The following ZCCHC2 variants were observed in gnomAD, a reference collection of about 807,000 sequenced individuals.
The protein encoded by ZCCHC2 is zinc finger CCHC domain-containing protein 2.
Under a neutral mutation model 103.6 loss-of-function variants are expected in ZCCHC2, and 39 were observed. The ratio of observed to expected loss-of-function variants is 0.38; its 90% CI spans 0.29 to 0.49. ZCCHC2 has a LOEUF of 0.49. Among genes scored for constraint, ZCCHC2 ranks in the 20% least tolerant of loss-of-function variants. The pLI is 0.96. For missense variants in ZCCHC2, 1,483 were observed against 1,491.0 expected (o/e 0.99, Z 0.09); for synonymous variants, 687 against 608.9 (o/e 1.13, Z -1.89).
chr18:62,573,119 A>C (rs11152350), intron 12 of ZCCHC2, among the ~76,000 whole-genome samples: 88,069 of 151,910 alleles, frequency 0.58, 26,229 homozygotes, highest in East Asian at 0.99. Context: ...CTGAATATAA[A>C]CAGTTCATAC....
chr18:62,573,767 A>C (rs750605487), intron 12 of ZCCHC2, among the ~76,000 whole-genome samples: 14 of 152,354 alleles, frequency 9.2e-5, no homozygotes, highest in Middle Eastern at 6.8e-3. Context: ...CTCAGTACAA[A>C]GATGGTGTTA....
intron 8 of ZCCHC2, among the ~76,000 whole-genome samples, chr18:62,562,450 A>T (rs1916162608): frequency 6.6e-6 from 1 of 151,004 alleles, no homozygotes; most frequent in African/African-American, 2.4e-5. Flanking sequence ...CCATTTGTTG[A>T]GTTTGTAATA....
intron 5 of ZCCHC2, among the ~76,000 whole-genome samples, chr18:62,553,196 G>A (rs995880813): frequency 3.7e-5 from 5 of 134,192 alleles, no homozygotes; most frequent in African/African-American, 1.1e-4. Flanking sequence ...GTGTGTGTGT[G>A]TGTGTGTATT....
At chr18:62,527,147 A>G (rs1022037042) in intron 1 of ZCCHC2, among the ~76,000 whole-genome samples, 7 of 152,012 alleles carry the variant, frequency 4.6e-5, no homozygotes, top group Admixed American at 4.6e-4. Context: ...ACTATTGGTT[A>G]ACGTAAAGTT....
chr18:62,541,170 T>C (rs1915157367), intron 2 of ZCCHC2, among the ~76,000 whole-genome samples: 1 of 152,220 alleles, frequency 6.6e-6, no homozygotes, highest in African/African-American at 2.4e-5. Flanking sequence ...TCTTATCCTA[T>C]TGCACAGTTC....
rs1332562711 is a variant in ZCCHC2, at chr18:62,524,316, G to A, written c.892G>A (p.Ala298Thr). Residue 298 changes from alanine (A) to threonine (T), a missense_variant, in exon 1 of 14, where the codon GCG (alanine) becomes ACG (threonine). Transcript: ENST00000269499. ...CGCGCTCCGCGGGGGCCCCGAGGAC[G>A]CGGAGGTGGAGGTAGAGCCGTGCAA... ...RAALRGGPED[A>T]EVEVEPCKFA... 8 of 1,548,168 alleles carry A rather than the reference G, an allele frequency of 5.2e-6. No individual in the cohort carries two copies. In the East Asian group the frequency reaches 1.7e-4, roughly 33 times the overall value.
exon 15 of ZCCHC2, chr18:62,586,404 C>G (rs1011234206): frequency 6.6e-6 from 1 of 151,818 alleles, no homozygotes; most frequent in Non-Finnish European, 1.5e-5. Context: ...CTGGCTGTCC[C>G]TGGCCTTAGG....
At chr18:62,546,876 GA>G (rs1244849702) in intron 4 of ZCCHC2, among the ~76,000 whole-genome samples, 7 of 152,172 alleles carry the variant, frequency 4.6e-5, no homozygotes, top group African/African-American at 1.7e-4. Flanking sequence ...CCAGTATTTG[GA>G]TATAATGTTT....
At chr18:62,541,970 T>C (rs1258621752) in intron 2 of ZCCHC2, among the ~76,000 whole-genome samples, 1 of 152,226 alleles carries the variant, frequency 6.6e-6, no homozygotes, top group Non-Finnish European at 1.5e-5. Flanking sequence ...CATTATATGA[T>C]ATTGAGGGTT....
intron 6 of ZCCHC2, among the ~76,000 whole-genome samples, chr18:62,557,300 C>T (rs1006150527): frequency 6.6e-6 from 1 of 152,160 alleles, no homozygotes; most frequent in Admixed American, 6.5e-5. Context: ...ATAGCTATGG[C>T]AAGGAACATT....
At chr18:62,561,315 G>A (rs1916105634) in intron 8 of ZCCHC2, among the ~76,000 whole-genome samples, 1 of 152,222 alleles carries the variant, frequency 6.6e-6, no homozygotes, top group Admixed American at 6.5e-5. Context: ...GCTTTTGAGA[G>A]CATAGTTTCC....
At chr18:62,557,138 TC>T (rs928296056) in intron 6 of ZCCHC2, among the ~76,000 whole-genome samples, 5 of 152,334 alleles carry the variant, frequency 3.3e-5, no homozygotes, top group African/African-American at 9.6e-5. Context: ...TTTCTTATGT[TC>T]CGTATGTTGA....
chr18:62,562,496 T>G (rs967902374), intron 8 of ZCCHC2, among the ~76,000 whole-genome samples: 5 of 152,224 alleles, frequency 3.3e-5, no homozygotes, highest in African/African-American at 1.2e-4. Context: ...TTTACTTTTT[T>G]TTTCTTTTCC....
At chr18:62,566,320 A>G (rs1027898096) in intron 11 of ZCCHC2, among the ~76,000 whole-genome samples, 1 of 152,232 alleles carries the variant, frequency 6.6e-6, no homozygotes, top group Non-Finnish European at 1.5e-5. Context: ...AAGTGGGAGT[A>G]AAATAACATG....
intron 4 of ZCCHC2, among the ~76,000 whole-genome samples, chr18:62,546,585 G>A (rs972459730): frequency 6.6e-6 from 1 of 152,186 alleles, no homozygotes; most frequent in South Asian, 2.1e-4. Context: ...GAAAAGGGGG[G>A]TTCAGACCAA....
At chr18:62,542,767 C>A (rs1915255547) in intron 3 of ZCCHC2, among the ~76,000 whole-genome samples, 193 bp downstream of exon 3, 1 of 152,094 alleles carries the variant, frequency 6.6e-6, no homozygotes, top group South Asian at 2.1e-4. Flanking sequence ...ATTAAAATAA[C>A]CCTGGCTATT....
chr18:62,550,197 G>A, intron 4 of ZCCHC2, 151 bp from the exon 5 acceptor site: 1 of 608,624 alleles, frequency 1.6e-6, no homozygotes, highest in Middle Eastern at 4.3e-4. Flanking sequence ...CTTCATTATG[G>A]GGTCAGATGT....
Position 62,558,741 on chromosome 18 carries a change from A to G in ZCCHC2, c.1463A>G (p.Asp488Gly). The G allele has an allele frequency of 6.5e-7, 1 of 1,548,190 alleles. No individual in the cohort carries two copies. The highest frequency in any genetic ancestry group is 8.7e-7 in the Non-Finnish European group (1 of 1,145,684). The change falls in exon 7 of 14, where the codon GAC becomes GGC. Residue 488 changes from aspartate (D) to glycine (G), a missense_variant. Asp to Gly is a moderately conservative substitution (Grantham distance 94). Transcript: ENST00000269499. ...AAGATATTAGAACACTTAAAAGAAGACAGCTCTGAAGCTTCAAGTCAAGAA... is the reference window on the plus strand; with the variant it reads ...AAGATATTAGAACACTTAAAAGAAGGCAGCTCTGAAGCTTCAAGTCAAGAA... ...TSKILEHLKE[D>G]SSEASSQEED...
chr18:62,572,569 TGAAAAGG>T (rs1916635839), intron 12 of ZCCHC2, among the ~76,000 whole-genome samples: 1 of 152,220 alleles, frequency 6.6e-6, no homozygotes, highest in Non-Finnish European at 1.5e-5. Flanking sequence ...AAGTCTCCTT[TGAAAAGG>T]GCGTGGGTGG....
Sources: allele counts gnomAD v4.1 joint callset (sites outside exome capture counted in the v4.1 genomes callset), GRCh38; gene constraint gnomAD v4.1.1; transcripts MANE v1.5; gene names NCBI Gene and HGNC (gene_info 2026-07-23, HGNC 2026-07-21).